The following SGCD variants were observed in gnomAD, a reference collection of about 807,000 sequenced individuals.
SGCD encodes delta-sarcoglycan.
Under a neutral mutation model 36.6 loss-of-function variants are expected in SGCD, and 18 were observed. That is an observed-to-expected ratio of 0.49 (90% confidence interval 0.34 to 0.73). The LOEUF is 0.73. Ranked by LOEUF, SGCD falls within the 30% of genes least tolerant of loss-of-function variation. The probability of loss-of-function intolerance (pLI) is 0.01; values close to 1 mark genes in which losing one functional copy is unlikely to be tolerated. For missense variants in SGCD, 387 were observed against 346.7 expected, an observed-to-expected ratio of 1.12 and a Z score of -0.92; for synonymous variants, 133 against 130.6, an observed-to-expected ratio of 1.02 and a Z score of -0.12.
At chr5:155,889,753 T>C (rs1030204005) in intron 1 of SGCD, among the ~76,000 whole-genome samples, 1 of 152,194 alleles carries the variant, frequency 6.6e-6, no homozygotes, top group South Asian at 2.1e-4. Flanking sequence ...TAGCCTCTTG[T>C]GAGTAAGATC....
At chr5:156,376,952 G>C (rs1024179929) in intron 3 of SGCD, among the ~76,000 whole-genome samples, 4 of 151,966 alleles carry the variant, frequency 2.6e-5, no homozygotes, top group African/African-American at 9.7e-5. Flanking sequence ...AGTAACAGAT[G>C]AGAGCCAAAA....
At chr5:156,173,896 G>T (rs989289704) in intron 3 of SGCD, among the ~76,000 whole-genome samples, 1 of 151,402 alleles carries the variant, frequency 6.6e-6, no homozygotes, top group East Asian at 1.9e-4. Context: ...TTTTTATATT[G>T]CACCTGCAAT....
chr5:156,222,410 AT>A (rs893241257), intron 3 of SGCD, among the ~76,000 whole-genome samples: 7 of 151,560 alleles, frequency 4.6e-5, no homozygotes, highest in Non-Finnish European at 7.4e-5. Flanking sequence ...CAGACTTAAA[AT>A]TTTTTTTTGC....
chr5:156,140,928 C>T (rs1250146843), intron 3 of SGCD, among the ~76,000 whole-genome samples: 1 of 152,104 alleles, frequency 6.6e-6, no homozygotes, highest in Non-Finnish European at 1.5e-5. Flanking sequence ...GCCAAGAGTG[C>T]CAGGGCCCTG....
At chr5:156,226,768 T>C (rs973646242) in intron 3 of SGCD, among the ~76,000 whole-genome samples, 1 of 152,084 alleles carries the variant, frequency 6.6e-6, no homozygotes, top group African/African-American at 2.4e-5. Flanking sequence ...TTTTAGATTT[T>C]TTTTTTATTC....
intron 3 of SGCD, among the ~76,000 whole-genome samples, chr5:156,487,807 A>AAAAAAAAAAAAAAAAAAAAAAAAAAG (rs1561728598): frequency 2.0e-5 from 1 of 49,342 alleles, no homozygotes; most frequent in Admixed American, 2.6e-4. Context: ...AAAAAAAAAA[A>AAAAAAAAAAAAAAAAAAAAAAAAAAG]AAAAAAAAAG....
intron 7 of SGCD, among the ~76,000 whole-genome samples, chr5:156,678,081 T>C (rs1274472816): frequency 1.3e-5 from 2 of 152,186 alleles, no homozygotes; most frequent in African/African-American, 4.8e-5. Flanking sequence ...CATCCCAGAA[T>C]AATTAAGTCA....
chr5:156,512,306 T>C (rs1756974767), intron 4 of SGCD, among the ~76,000 whole-genome samples: 2 of 152,184 alleles, frequency 1.3e-5, no homozygotes, highest in African/African-American at 2.4e-5. Context: ...GATGCAATGA[T>C]GGTCTCATAA....
chr5:156,546,633 G>A (rs1758586031), intron 4 of SGCD, among the ~76,000 whole-genome samples: 1 of 152,102 alleles, frequency 6.6e-6, no homozygotes, highest in African/African-American at 2.4e-5. Flanking sequence ...ATTACAATGG[G>A]TCAAGATAAT....
In SGCD at chr5:156,744,340, T is replaced by C. The variant is rs186004464; in HGVS notation, c.576-13241T>C. Among the ~76,000 whole-genome samples, 142 of 152,364 alleles carry C rather than the reference T, an allele frequency of 9.3e-4. 3 individuals are homozygous for C. The East Asian group carries it at 0.017, about 18-fold the overall frequency. ...AAAATCAGTGCAGAGCCACAGGCAC[T>C]GTTGGAGATCACCTGCTCGATCACC... On this transcript the variant is annotated intron_variant, in intron 7 of 8. Transcript: ENST00000337851.
chr5:156,534,986 A>G (rs1329928578), intron 4 of SGCD, among the ~76,000 whole-genome samples: 1 of 152,212 alleles, frequency 6.6e-6, no homozygotes, highest in Admixed American at 6.5e-5. Flanking sequence ...ATCTCCATTT[A>G]TTAATTCCAG....
At chr5:156,176,479 A>C (rs1273887585) in intron 3 of SGCD, among the ~76,000 whole-genome samples, 2 of 152,190 alleles carry the variant, frequency 1.3e-5, no homozygotes, top group African/African-American at 4.8e-5. Context: ...TCTCTCCCAT[A>C]GGAAGCTCTG....
At chr5:156,370,573 CT>C (rs1371505492) in intron 3 of SGCD, among the ~76,000 whole-genome samples, 1 of 152,168 alleles carries the variant, frequency 6.6e-6, no homozygotes, top group Non-Finnish European at 1.5e-5. Context: ...GATTTATGTG[CT>C]TTATTCGTTT....
intron 3 of SGCD, among the ~76,000 whole-genome samples, chr5:156,195,748 C>T (rs1764010638): frequency 6.6e-6 from 1 of 152,134 alleles, no homozygotes; most frequent in Non-Finnish European, 1.5e-5. Flanking sequence ...TTGTGGTTCC[C>T]TGATAGGTCC....
intron 3 of SGCD, among the ~76,000 whole-genome samples, chr5:156,282,673 T>A (rs1050380673): frequency 2.6e-5 from 4 of 152,210 alleles, no homozygotes; most frequent in African/African-American, 9.6e-5. Context: ...TTTTTTCCTT[T>A]ACTCTGATTA....
At chr5:156,127,957 C>T (rs1690653223) in intron 3 of SGCD, among the ~76,000 whole-genome samples, 1 of 141,888 alleles carries the variant, frequency 7.0e-6, no homozygotes, top group Non-Finnish European at 1.5e-5. Flanking sequence ...AGAAAGGACA[C>T]AAATGCACAA....
intron 3 of SGCD, among the ~76,000 whole-genome samples, chr5:156,272,069 G>C (rs192856620): frequency 6.6e-6 from 1 of 152,020 alleles, no homozygotes; most frequent in Admixed American, 6.6e-5. Context: ...TTGAACATAG[G>C]TAAGTTCCTT....
chr5:156,144,501 T>A (rs1006745916), intron 3 of SGCD, among the ~76,000 whole-genome samples: 1 of 152,230 alleles, frequency 6.6e-6, no homozygotes, highest in Non-Finnish European at 1.5e-5. Flanking sequence ...ATGGTGAGCA[T>A]TTTTTCATGT....
chr5:156,013,290 G>C (rs898220121), intron 1 of SGCD, among the ~76,000 whole-genome samples: 5 of 152,182 alleles, frequency 3.3e-5, no homozygotes, highest in African/African-American at 1.2e-4. Context: ...CTCCCAAAGT[G>C]CTGGGATTAC....
Sources: gnomAD v4.1 joint callset for allele counts (sites outside exome capture counted in the v4.1 genomes callset) on GRCh38, gnomAD v4.1.1 for gene constraint, MANE v1.5 for transcripts, NCBI Gene and HGNC (gene_info 2026-07-23, HGNC 2026-07-21) for gene names.